The following HS6ST3 variants were observed in gnomAD, a reference collection of about 807,000 sequenced individuals.
The protein encoded by HS6ST3 is heparan sulfate 6-O-sulfotransferase 3.
Under a neutral mutation model 36.7 loss-of-function variants are expected in HS6ST3, and 12 were observed. The observed-to-expected ratio is 0.33, with a 90% CI of 0.21 to 0.53. HS6ST3 has a LOEUF of 0.53. Among genes scored for constraint, HS6ST3 ranks in the 20% least tolerant of loss-of-function variants. The pLI, the probability that HS6ST3 is intolerant of heterozygous loss-of-function variation, is 0.95. For synonymous variants in HS6ST3, 240 were observed against 257.5 expected (o/e 0.93, Z 0.65); for missense variants, 584 against 640.9 (o/e 0.91, Z 0.96).
chr13:96,412,044 A>T (rs1384824004), intron 1 of HS6ST3, among the ~76,000 whole-genome samples: 1 of 151,848 alleles, frequency 6.6e-6, no homozygotes. Flanking sequence ...CTCGCTCTGT[A>T]GCCAGGCTGC....
chr13:96,825,120 G>T (rs1878622302), intron 1 of HS6ST3, among the ~76,000 whole-genome samples: 1 of 152,194 alleles, frequency 6.6e-6, no homozygotes, highest in Admixed American at 6.5e-5. Flanking sequence ...AAACTGTGGA[G>T]TGTGGAGCTA....
At chr13:96,594,675 A>G (rs1367785960) in intron 1 of HS6ST3, among the ~76,000 whole-genome samples, 1 of 152,072 alleles carries the variant, frequency 6.6e-6, no homozygotes, top group African/African-American at 2.4e-5. Flanking sequence ...TTTGTATTTT[A>G]TATCCTTTAG....
At position 96,232,908 on chromosome 13, in the gene HS6ST3, C is replaced by T. The variant is rs539932442; in HGVS notation, c.707+141339C>T. Among the ~76,000 whole-genome samples, 6 of 152,160 alleles carry T rather than the reference C, an allele frequency of 3.9e-5. No homozygotes were observed. In the South Asian group the frequency reaches 1.0e-3, roughly 26 times the overall value. On this transcript the variant is annotated intron_variant, in intron 1 of 1. Transcript: ENST00000376705. ...GGATGGATGTGTTGGGTGGTTAGGC[C>T]TAGTGTGTTTCATGATGTATGTGGC...
intron 1 of HS6ST3, among the ~76,000 whole-genome samples, chr13:96,658,962 C>T (rs1375555521): frequency 6.6e-6 from 1 of 152,158 alleles, no homozygotes; most frequent in Non-Finnish European, 1.5e-5. Context: ...CCGCCTCTGC[C>T]TCCCAAAGTG....
At chr13:96,380,790 T>C (rs1025601129) in intron 1 of HS6ST3, among the ~76,000 whole-genome samples, 1 of 152,382 alleles carries the variant, frequency 6.6e-6, no homozygotes. Flanking sequence ...TGTTCATTTG[T>C]TTCTTCATAT....
At chr13:96,467,281 A>G (rs1402547667) in intron 1 of HS6ST3, among the ~76,000 whole-genome samples, 2 of 152,166 alleles carry the variant, frequency 1.3e-5, no homozygotes, top group African/African-American at 4.8e-5. Flanking sequence ...TCAATATGAT[A>G]AGAAGGAGAA....
At chr13:96,152,507 T>A (rs2054091013) in intron 1 of HS6ST3, among the ~76,000 whole-genome samples, 2 of 152,118 alleles carry the variant, frequency 1.3e-5, no homozygotes, top group East Asian at 3.9e-4. Context: ...CCGGCTAATT[T>A]TTTGTACTTT....
chr13:96,184,350 G>A (rs540497556), intron 1 of HS6ST3, among the ~76,000 whole-genome samples: 1 of 151,310 alleles, frequency 6.6e-6, no homozygotes, highest in Non-Finnish European at 1.5e-5. Context: ...TTTTTTCCTC[G>A]CTAACTCAAT....
chr13:96,415,671 A>G (rs1025140681), intron 1 of HS6ST3, among the ~76,000 whole-genome samples: 2 of 152,182 alleles, frequency 1.3e-5, no homozygotes, highest in South Asian at 2.1e-4. Context: ...GGATCTTGCA[A>G]GAGAATCTTA....
chr13:96,102,203 T>C (rs1158036974), intron 1 of HS6ST3, among the ~76,000 whole-genome samples: 2 of 152,216 alleles, frequency 1.3e-5, no homozygotes, highest in Non-Finnish European at 2.9e-5. Context: ...AATAAACATT[T>C]CTGTCACTAC....
chr13:96,393,470 C>G (rs982078031), intron 1 of HS6ST3, among the ~76,000 whole-genome samples: 2 of 152,140 alleles, frequency 1.3e-5, no homozygotes, highest in Non-Finnish European at 1.5e-5. Context: ...TGAATCCTTT[C>G]TTAGTAATTA....
chr13:96,158,409 T>C (rs150504750), intron 1 of HS6ST3, among the ~76,000 whole-genome samples: 14 of 151,952 alleles, frequency 9.2e-5, no homozygotes, highest in African/African-American at 3.4e-4. Flanking sequence ...GGAGAACTCT[T>C]AGAAACAAAG....
At position 96,313,769 on chromosome 13, in the gene HS6ST3, A is replaced by G. The variant is rs145405573; in HGVS notation, c.707+222200A>G. Among the ~76,000 whole-genome samples, 17 of 152,342 alleles carry G rather than the reference A, an allele frequency of 1.1e-4. No individual in the cohort carries two copies. In the East Asian group the frequency reaches 3.3e-3, roughly 29 times the overall value. On this transcript the variant is annotated intron_variant, in intron 1 of 1. Coordinates refer to ENST00000376705, the MANE Select transcript of HS6ST3 (RefSeq NM_153456.4). Reference sequence around the variant, plus strand: ...GCTTGCCTTGTTCTCTAATTTTATGATGGTCCAAGATAGAAACCAGAAAGA... The same window carrying G: ...GCTTGCCTTGTTCTCTAATTTTATGGTGGTCCAAGATAGAAACCAGAAAGA...
At chr13:96,440,717 A>G (rs539437202) in intron 1 of HS6ST3, among the ~76,000 whole-genome samples, 7 of 152,136 alleles carry the variant, frequency 4.6e-5, no homozygotes, top group South Asian at 2.1e-4. Flanking sequence ...AAGAGTATTG[A>G]TAACTATTCA....
intron 1 of HS6ST3, among the ~76,000 whole-genome samples, chr13:96,740,518 T>C (rs1222147288): frequency 6.6e-6 from 1 of 152,176 alleles, no homozygotes; most frequent in Non-Finnish European, 1.5e-5. Flanking sequence ...AAATCTCAAC[T>C]ATAAGTTGGG....
At chr13:96,145,955 G>C (rs2054055943) in intron 1 of HS6ST3, among the ~76,000 whole-genome samples, 1 of 152,292 alleles carries the variant, frequency 6.6e-6, no homozygotes, top group African/African-American at 2.4e-5. Flanking sequence ...TCAAAGATCA[G>C]ATAGTTGTAG....
intron 1 of HS6ST3, among the ~76,000 whole-genome samples, chr13:96,474,878 T>C (rs2055856048): frequency 6.6e-6 from 1 of 152,324 alleles, no homozygotes. Flanking sequence ...CACAGGGCAT[T>C]TTTAAAAATT....
intron 1 of HS6ST3, among the ~76,000 whole-genome samples, chr13:96,763,541 G>T (rs1055660410): frequency 2.0e-5 from 3 of 150,742 alleles, no homozygotes; most frequent in African/African-American, 7.3e-5. Context: ...TGAATTTTAT[G>T]TATTTAATAA....
intron 1 of HS6ST3, among the ~76,000 whole-genome samples, chr13:96,760,296 TA>T (rs1876933005): frequency 6.6e-6 from 1 of 152,064 alleles, no homozygotes; most frequent in South Asian, 2.1e-4. Context: ...CTTTTGATTA[TA>T]ATTATGATTT....
Sources: gnomAD v4.1 joint callset for allele counts (sites outside exome capture counted in the v4.1 genomes callset) on GRCh38, gnomAD v4.1.1 for gene constraint, MANE v1.5 for transcripts, NCBI Gene and HGNC (gene_info 2026-07-23, HGNC 2026-07-21) for gene names.